Variants in PTPRJ observed in about 807,000 individuals in gnomAD.
The protein encoded by PTPRJ is receptor-type tyrosine-protein phosphatase eta.
In PTPRJ, 129 loss-of-function variants were observed where a neutral mutation model predicts 141.3. The observed-to-expected ratio is 0.91, with a 90% CI of 0.79 to 1.06. The LOEUF (loss-of-function observed/expected upper bound fraction) is 1.06, where lower values mean the gene tolerates loss of function less well. Among genes scored for constraint, PTPRJ ranks in the 50% least tolerant of loss-of-function variants. The pLI, the probability that PTPRJ is intolerant of heterozygous loss-of-function variation, is 0.00. For missense variants in PTPRJ, 1,601 were observed against 1,679.7 expected (o/e 0.95, Z 0.82); for synonymous variants, 610 against 640.5 (o/e 0.95, Z 0.72).
At chr11:48,027,551 G>A (rs570272333) in intron 1 of PTPRJ, among the ~76,000 whole-genome samples, 186 of 152,086 alleles carry the variant, frequency 1.2e-3, no homozygotes, top group African/African-American at 4.1e-3. Flanking sequence ...AGCACTTTGG[G>A]AGGCTGAGGC....
intron 1 of PTPRJ, among the ~76,000 whole-genome samples, chr11:48,101,051 G>A (rs570638971): frequency 2.6e-5 from 4 of 152,272 alleles, no homozygotes; most frequent in Middle Eastern, 3.4e-3. Flanking sequence ...GTAGGATCCC[G>A]CTGTCCTCAA....
In PTPRJ at chr11:48,145,089, G is replaced by T. The variant is rs183923997; in HGVS notation, c.2876G>T (p.Arg959Leu). 2.5e-6 allele frequency: 4 copies of T among 1,614,108 alleles called. No individual in the cohort carries two copies. The highest frequency in any genetic ancestry group is 2.5e-6 in the Non-Finnish European group (3 of 1,180,006). Residue 959 changes from arginine to leucine, a missense_variant, in exon 14 of 25, where the codon CGC (arginine) becomes CTC (leucine). Physicochemically the swap from Arg to Leu is moderately radical, Grantham distance 102. Transcript: ENST00000418331. ...DGAESYVSFS[R>L]YSDAVSLPQD... ...GCTGAGAGCTATGTGTCCTTCAGTC[G>T]CTACTCAGATGCTGTTTCCTTGCCC... is the stretch of plus-strand genomic sequence containing the variant.
Position 48,053,466 on chromosome 11 carries a change from T to TAA in PTPRJ, c.97-56591_97-56590dup, listed in dbSNP as rs1565278714. On this transcript the variant is annotated intron_variant, in intron 1 of 24. Transcript: ENST00000418331. ...TATATTATATACTATATATTATATA[T>TAA]AATATATAAAAAATATATATAAAAT... 4.2e-3 allele frequency among the ~76,000 whole-genome samples: 488 copies of TAA among 117,308 alleles called. 8 individuals carry two copies. The highest frequency in any genetic ancestry group is 0.016 in the African/African-American group (462 of 29,774). 77.0% of individuals were successfully genotyped at this position (117,308 alleles called of 152,430 possible).
chr11:48,019,006 C>T (rs556599107), intron 1 of PTPRJ, among the ~76,000 whole-genome samples: 3 of 151,988 alleles, frequency 2.0e-5, no homozygotes, highest in South Asian at 2.1e-4. Context: ...TGTGCGTGTA[C>T]GTGCGTGTGT....
chr11:48,002,509 C>T (rs113712319), intron 1 of PTPRJ, among the ~76,000 whole-genome samples: 1 of 149,600 alleles, frequency 6.7e-6, no homozygotes, highest in African/African-American at 2.6e-5. Context: ...GCTTCAAATC[C>T]TTATTGAGCA....
At chr11:47,982,532 A>C (rs1282681628) in intron 1 of PTPRJ, among the ~76,000 whole-genome samples, 1 of 152,172 alleles carries the variant, frequency 6.6e-6, no homozygotes, top group African/African-American at 2.4e-5. Context: ...TCTGAAGTTA[A>C]AAAAGCCTTG....
At chr11:48,160,933 A>C (rs1857755817) in intron 22 of PTPRJ, among the ~76,000 whole-genome samples, 2 of 152,020 alleles carry the variant, frequency 1.3e-5, no homozygotes, top group Non-Finnish European at 1.5e-5. Flanking sequence ...TGTGAGGCTA[A>C]GGTGGGAGGA....
At chr11:48,127,659 A>G (rs992728238) in intron 6 of PTPRJ, 121 bp from the exon 7 acceptor site, 5 of 1,016,180 alleles carry the variant, frequency 4.9e-6, no homozygotes, top group Admixed American at 4.1e-5. Context: ...TTGATGGTGC[A>G]GAGGAGGAAG....
intron 15 of PTPRJ, among the ~76,000 whole-genome samples, chr11:48,148,823 G>GT (rs1857412397): frequency 1.3e-5 from 2 of 152,004 alleles, no homozygotes; most frequent in African/African-American, 4.8e-5. Context: ...GTGTTTCCAA[G>GT]TTTTTTTTCT....
At chr11:48,029,420 C>G (rs1422984821) in intron 1 of PTPRJ, among the ~76,000 whole-genome samples, 1 of 152,306 alleles carries the variant, frequency 6.6e-6, no homozygotes, top group East Asian at 1.9e-4. Context: ...ATTACTTGTT[C>G]CCTTTTCTCT....
intron 8 of PTPRJ, chr11:48,132,075 A>G (rs1590541812): frequency 1.1e-6 from 1 of 896,242 alleles, no homozygotes; most frequent in African/African-American, 1.8e-5. Flanking sequence ...AATAACTTTT[A>G]AGATGGTAAA....
intron 1 of PTPRJ, among the ~76,000 whole-genome samples, chr11:47,985,674 T>A (rs1352141172): frequency 1.2e-4 from 1 of 8,268 alleles, no homozygotes; most frequent in Non-Finnish European, 9.7e-4. Context: ...TGGCAGACAT[T>A]TATTTATTTA....
intron 1 of PTPRJ, among the ~76,000 whole-genome samples, chr11:48,043,245 C>G (rs559305964): frequency 6.6e-6 from 1 of 152,302 alleles, no homozygotes; most frequent in East Asian, 1.9e-4. Context: ...GAGGCAGGAT[C>G]TTGCTGTGTT....
chr11:48,050,945 TG>T (rs912626382), intron 1 of PTPRJ, among the ~76,000 whole-genome samples: 17 of 152,222 alleles, frequency 1.1e-4, no homozygotes, highest in Middle Eastern at 3.4e-3. Flanking sequence ...TGGGAGTGGC[TG>T]GTTTCTAGGA....
intron 2 of PTPRJ, 86 bp from the exon 3 acceptor site, chr11:48,112,661 T>C (rs1856470308): frequency 2.1e-6 from 2 of 950,358 alleles, no homozygotes; most frequent in African/African-American, 1.6e-5. Context: ...TGCATTTCAT[T>C]TCAGTGTAAA....
At chr11:48,022,043 C>T (rs1025055783) in intron 1 of PTPRJ, among the ~76,000 whole-genome samples, 16 of 152,176 alleles carry the variant, frequency 1.1e-4, no homozygotes, top group Non-Finnish European at 1.5e-5. Context: ...CCTCAATTTC[C>T]TACTCTGTAA....
At chr11:48,146,735 CTG>C (rs77393208) in intron 14 of PTPRJ, 139 bp from the exon 15 acceptor site, 11,233 of 630,294 alleles carry the variant, frequency 0.018, 64 homozygotes, top group Middle Eastern at 0.044. Flanking sequence ...GTGTGTGCGC[CTG>C]TGTGTGTGTG....
At chr11:48,026,912 G>A (rs1206574498) in intron 1 of PTPRJ, among the ~76,000 whole-genome samples, 2 of 151,896 alleles carry the variant, frequency 1.3e-5, no homozygotes, top group Non-Finnish European at 1.5e-5. Flanking sequence ...TTGCATGAGA[G>A]GGAAGGCTTT....
intron 1 of PTPRJ, among the ~76,000 whole-genome samples, chr11:48,024,608 G>T (rs1301698500): frequency 6.6e-6 from 1 of 152,218 alleles, no homozygotes; most frequent in Non-Finnish European, 1.5e-5. Flanking sequence ...GTCCCAAGCA[G>T]CCGTTGCTAA....
Sources: gnomAD v4.1 joint callset for allele counts (sites outside exome capture counted in the v4.1 genomes callset) on GRCh38, gnomAD v4.1.1 for gene constraint, MANE v1.5 for transcripts, NCBI Gene and HGNC (gene_info 2026-07-23, HGNC 2026-07-21) for gene names.